The following KIF6 variants were observed in gnomAD, a reference collection of about 807,000 sequenced individuals.
KIF6 encodes kinesin-like protein KIF6.
A neutral mutation model predicts 112.7 loss-of-function variants in KIF6; 106 were observed. That is an observed-to-expected ratio of 0.94 (90% CI 0.80 to 1.11). The LOEUF is 1.11. KIF6 is among the 50% of genes least tolerant of loss of function. The pLI is 0.00. For synonymous variants in KIF6, 339 were observed against 339.9 expected (o/e 1.00, Z 0.03); for missense variants, 929 against 964.0 (o/e 0.96, Z 0.48).
At chr6:39,498,092 C>T (rs1250143067) in intron 13 of KIF6, among the ~76,000 whole-genome samples, 1 of 152,138 alleles carries the variant, frequency 6.6e-6, no homozygotes, top group Non-Finnish European at 1.5e-5. Context: ...TGTCTGCATG[C>T]AGCTTGGGAT....
chr6:39,621,957 G>C lies in KIF6; in HGVS notation c.510-8639C>G, dbSNP rs892647223. On this transcript the variant is annotated intron_variant, in intron 5 of 22. Coordinates refer to ENST00000287152, the MANE Select transcript of KIF6 (RefSeq NM_145027.6). ...GAGGTGGGTGGATCACCTGAGGTCA[G>C]GAGTTCAAGACCAGCCTGGCCAACA... Among the ~76,000 whole-genome samples, 70 of 152,056 alleles carry C rather than the reference G, an allele frequency of 4.6e-4. 1 individual carries two copies. The highest frequency in any genetic ancestry group is 1.6e-3 in the African/African-American group (67 of 41,396).
At chr6:39,634,617 C>T (rs1453317952) in intron 5 of KIF6, among the ~76,000 whole-genome samples, 2 of 151,996 alleles carry the variant, frequency 1.3e-5, no homozygotes, top group African/African-American at 4.8e-5. Context: ...CTCTCTTCTG[C>T]CAACTCCAAA....
intron 15 of KIF6, among the ~76,000 whole-genome samples, chr6:39,413,159 T>G (rs1299099688): frequency 6.6e-6 from 1 of 152,184 alleles, no homozygotes; most frequent in East Asian, 1.9e-4. Flanking sequence ...GTGTGCCATT[T>G]TGTATTTGTT....
intron 14 of KIF6, among the ~76,000 whole-genome samples, chr6:39,422,944 T>C (rs991907289): frequency 6.6e-6 from 1 of 152,232 alleles, no homozygotes; most frequent in African/African-American, 2.4e-5. Context: ...CCTAAGGTGC[T>C]GCTCACTGCT....
intron 13 of KIF6, among the ~76,000 whole-genome samples, chr6:39,441,721 TCAAC>T (rs1771933566): frequency 6.6e-6 from 1 of 152,206 alleles, no homozygotes; most frequent in Admixed American, 6.5e-5. Context: ...GGACACTCAC[TCAAC>T]CTACTTCCTC....
chr6:39,560,072 C>G (rs1779931970), intron 10 of KIF6, among the ~76,000 whole-genome samples: 1 of 152,142 alleles, frequency 6.6e-6, no homozygotes, highest in Admixed American at 6.5e-5. Flanking sequence ...AAGCTGAAAG[C>G]CAGAAAACCT....
At chr6:39,409,166 G>T (rs1471853567) in intron 15 of KIF6, among the ~76,000 whole-genome samples, 1 of 152,102 alleles carries the variant, frequency 6.6e-6, no homozygotes, top group Non-Finnish European at 1.5e-5. Context: ...TTTGACTCTT[G>T]CTGGCCTACG....
In KIF6 at chr6:39,578,295, G is replaced by A. The variant is rs547506238; in HGVS notation, c.1078-136C>T. The A allele has an allele frequency of 5.3e-4, 259 of 486,332 alleles. 1 individual carries two copies. The highest frequency in any genetic ancestry group is 4.6e-3 in the African/African-American group (223 of 48,218). 30.1% of individuals were successfully genotyped at this position (486,332 alleles called of 1,614,324 possible). A position where few individuals can be genotyped will look rare whatever the true frequency, so the allele number is the denominator to read the frequency against. Reference sequence around the variant, plus strand: ...GGTAATGGTATAAAAAGCCAGCTTTGTTAAATCTTAACGTTTTGTCAAAAT... The same window carrying A: ...GGTAATGGTATAAAAAGCCAGCTTTATTAAATCTTAACGTTTTGTCAAAAT... On this transcript the variant is annotated intron_variant, in intron 9 of 22. Coordinates refer to ENST00000287152, the MANE Select transcript of KIF6 (RefSeq NM_145027.6).
At chr6:39,566,809 A>G (rs1780304941) in intron 10 of KIF6, among the ~76,000 whole-genome samples, 1 of 152,208 alleles carries the variant, frequency 6.6e-6, no homozygotes, top group Non-Finnish European at 1.5e-5. Flanking sequence ...AAGTAGAGTA[A>G]GAAAAGCATT....
chr6:39,562,776 CATTT>C (rs1159778618), intron 10 of KIF6, among the ~76,000 whole-genome samples: 8 of 152,128 alleles, frequency 5.3e-5, no homozygotes, highest in Admixed American at 1.3e-4. Flanking sequence ...CAATAAATGG[CATTT>C]ATTTATACCA....
At chr6:39,588,238 A>G (rs546091637) in intron 7 of KIF6, among the ~76,000 whole-genome samples, 263 of 152,136 alleles carry the variant, frequency 1.7e-3, no homozygotes, top group African/African-American at 6.0e-3. Flanking sequence ...TTTATTTGAG[A>G]CAGAGTCTTG....
At chr6:39,710,483 CCCA>C (rs1334663521) in intron 3 of KIF6, among the ~76,000 whole-genome samples, 3 of 125,156 alleles carry the variant, frequency 2.4e-5, no homozygotes, top group Non-Finnish European at 5.3e-5. Flanking sequence ...AAAAAAAAAA[CCCA>C]GTGTTTCAAA....
intron 5 of KIF6, among the ~76,000 whole-genome samples, chr6:39,617,086 T>A (rs1270524841): frequency 2.6e-5 from 4 of 152,216 alleles, no homozygotes; most frequent in Non-Finnish European, 4.4e-5. Flanking sequence ...TGATTTTTTT[T>A]AACAGGCCTG....
intron 5 of KIF6, among the ~76,000 whole-genome samples, chr6:39,613,528 A>G (rs1265894046): frequency 6.6e-6 from 1 of 152,190 alleles, no homozygotes; most frequent in African/African-American, 2.4e-5. Context: ...TGAAAAATAT[A>G]TTACAAGCTC....
At chr6:39,522,072 C>T (rs551032018) in intron 13 of KIF6, among the ~76,000 whole-genome samples, 1 of 152,282 alleles carries the variant, frequency 6.6e-6, no homozygotes, top group East Asian at 1.9e-4. Flanking sequence ...ACACACTCCA[C>T]ATTTTCATGG....
Position 39,342,766 on chromosome 6 carries a change from T to A in KIF6, c.2428+943A>T. 1 of 984,830 alleles carries A rather than the reference T, an allele frequency of 1.0e-6. No individual in the cohort carries two copies. Among genetic ancestry groups the A allele is most frequent in the African/African-American group, 1.7e-5 (1 of 57,286 alleles). 61.0% of individuals were successfully genotyped at this position (984,830 alleles called of 1,614,324 possible). A position where few individuals can be genotyped will look rare whatever the true frequency, so the allele number is the denominator to read the frequency against. Reference sequence around the variant, plus strand: ...AAGAGAGGATAGTAAATAAGCAGGCTGGCGGCCAAGCAAGGCGAGTACAGG... The same window carrying A: ...AAGAGAGGATAGTAAATAAGCAGGCAGGCGGCCAAGCAAGGCGAGTACAGG... On this transcript the variant is annotated intron_variant, in intron 22 of 22. Coordinates refer to ENST00000287152, the MANE Select transcript of KIF6 (RefSeq NM_145027.6). The surrounding 1 kb of genome is among the most constrained non-coding windows in gnomAD (Gnocchi z 4.7).
At chr6:39,582,078 T>C (rs1326511638) in intron 9 of KIF6, among the ~76,000 whole-genome samples, 1 of 152,178 alleles carries the variant, frequency 6.6e-6, no homozygotes, top group African/African-American at 2.4e-5. Flanking sequence ...AGAATGAAAA[T>C]CCTGAGATAG....
chr6:39,417,157 G>A (rs9471098), intron 15 of KIF6, among the ~76,000 whole-genome samples: 114,074 of 152,086 alleles, frequency 0.75, 43,867 homozygotes, highest in South Asian at 0.89. Flanking sequence ...AAATGTGTGT[G>A]CAAGTTCCAC....
intron 5 of KIF6, among the ~76,000 whole-genome samples, chr6:39,615,943 G>A (rs1055834200): frequency 6.6e-6 from 1 of 152,062 alleles, no homozygotes; most frequent in Non-Finnish European, 1.5e-5. Context: ...TGGGGATTAT[G>A]GGTCTCCCTA....
Sources: gnomAD v4.1 joint callset for allele counts (sites outside exome capture counted in the v4.1 genomes callset) on GRCh38, gnomAD v4.1.1 for gene constraint, Gnocchi (gnomAD v3.1) non-coding constraint, MANE v1.5 for transcripts, NCBI Gene and HGNC (gene_info 2026-07-23, HGNC 2026-07-21) for gene names.